TF: variants seen among roughly 807,000 people sequenced by gnomAD.
TF encodes serotransferrin.
Under a neutral mutation model 82.4 loss-of-function variants are expected in TF, and 55 were observed. The ratio of observed to expected loss-of-function variants is 0.67; its 90% confidence interval spans 0.54 to 0.84. The LOEUF (loss-of-function observed/expected upper bound fraction) is 0.84, where lower values mean the gene tolerates loss of function less well. Among genes scored for constraint, TF ranks in the 40% least tolerant of loss-of-function variants. TF has a pLI of 0.00. For missense variants in TF, 737 were observed against 868.4 expected (o/e 0.85, Z 1.90); for synonymous variants, 332 against 332.6 (o/e 1.00, Z 0.02).
chr3:133,684,160 C>A, the TF span, among the ~76,000 whole-genome samples: 1 of 152,086 alleles, frequency 6.6e-6, no homozygotes, highest in East Asian at 1.9e-4. Context: ...CCAATGAGAA[C>A]AAAGACACAA....
the TF span, among the ~76,000 whole-genome samples, chr3:133,677,054 G>A: frequency 6.6e-6 from 1 of 152,210 alleles, no homozygotes; most frequent in Non-Finnish European, 1.5e-5. Context: ...CAAAGGGAAG[G>A]GGGCAGTTAT....
the TF span, among the ~76,000 whole-genome samples, chr3:133,696,791 TTC>T: frequency 5.4e-4 from 28 of 51,984 alleles, no homozygotes; most frequent in Non-Finnish European, 9.3e-4. Context: ...GTACTTCTTC[TTC>T]TTTTTTTTTT....
the TF span, among the ~76,000 whole-genome samples, chr3:133,729,043 G>T: frequency 6.6e-6 from 1 of 152,198 alleles, no homozygotes; most frequent in African/African-American, 2.4e-5. Flanking sequence ...ACCCGGCCGT[G>T]TAAGGTGTCA....
chr3:133,703,343 T>C, the TF span, among the ~76,000 whole-genome samples: 1 of 152,204 alleles, frequency 6.6e-6, no homozygotes, highest in East Asian at 1.9e-4. Context: ...TAGCATAGTA[T>C]TGAGGGAAAC....
At chr3:133,672,859 TATAAA>T in the TF span, among the ~76,000 whole-genome samples, 20 of 151,902 alleles carry the variant, frequency 1.3e-4, no homozygotes, top group Admixed American at 2.6e-4. Flanking sequence ...ACCACATTAA[TATAAA>T]AGAAAAGGGA....
In TF at chr3:133,793,894, A is replaced by G. The variant is rs1372765586; in HGVS notation, c.*15274A>G. 2.0e-5 allele frequency: 3 copies of G among 152,206 alleles called. No individual in the cohort carries two copies. Among genetic ancestry groups the G allele is most frequent in the African/African-American group, 4.8e-5 (2 of 41,454 alleles). The allele number at this position is 152,206 out of a possible 1,614,324, so 9.4% of individuals were successfully genotyped here. A position where few individuals can be genotyped will look rare whatever the true frequency, so the allele number is the denominator to read the frequency against. On this transcript the variant is annotated 3_prime_UTR_variant, in exon 17 of 17. Transcript: ENST00000402696. ...GTAAGAATTCCTGGAACTTTAATGA[A>G]AAGACTGACTGAGTTCTAAAACTGC... is the stretch of plus-strand genomic sequence containing the variant.
chr3:133,720,738 G>A, the TF span, among the ~76,000 whole-genome samples: 1 of 151,970 alleles, frequency 6.6e-6, no homozygotes, highest in Non-Finnish European at 1.5e-5. Flanking sequence ...GCTTTTCTTT[G>A]ATGGAAGATT....
At chr3:133,712,456 C>G in the TF span, among the ~76,000 whole-genome samples, 1 of 152,188 alleles carries the variant, frequency 6.6e-6, no homozygotes, top group Non-Finnish European at 1.5e-5. Flanking sequence ...GCTCACAGAC[C>G]CTTGATCCAA....
the TF span, among the ~76,000 whole-genome samples, chr3:133,707,143 T>C: frequency 6.6e-6 from 1 of 150,698 alleles, no homozygotes; most frequent in African/African-American, 2.4e-5. Flanking sequence ...CTGACTGTGA[T>C]GGAGAAGGTG....
At chr3:133,757,088 C>T in intron 7 of TF, 79 bp downstream of exon 7, 1 of 1,579,570 alleles carries the variant, frequency 6.3e-7, no homozygotes, top group Non-Finnish European at 8.7e-7. Context: ...GCCATCTTGT[C>T]ACTCTGGAAG....
the TF span, among the ~76,000 whole-genome samples, chr3:133,674,335 T>C: frequency 9.9e-5 from 15 of 152,184 alleles, no homozygotes; most frequent in African/African-American, 1.9e-4. Context: ...CTGCTCAGGC[T>C]CCGGGGTGCT....
chr3:133,784,770 T>G lies in TF; in HGVS notation c.*6150T>G, dbSNP rs1576371934. On this transcript the variant is annotated 3_prime_UTR_variant, in exon 17 of 17. Coordinates refer to ENST00000402696, the MANE Select transcript of TF (RefSeq NM_001063.4). ...AAACCATTCCCTGGTGCCAAAGAGG[T>G]TGGGGACCACTGGGTTAGAGGACAT... 1 of 152,134 alleles carries G rather than the reference T, an allele frequency of 6.6e-6. No individual in the cohort carries two copies. The highest frequency in any genetic ancestry group is 6.5e-5 in the Admixed American group (1 of 15,280). The allele number at this position is 152,134 out of a possible 1,614,324, so 9.4% of individuals were successfully genotyped here.
chr3:133,723,262 T>C, the TF span, among the ~76,000 whole-genome samples: 1 of 152,172 alleles, frequency 6.6e-6, no homozygotes, highest in Admixed American at 6.6e-5. Context: ...AGAGAATCTT[T>C]TTGGGTTGAA....
chr3:133,728,335 T>C, the TF span, among the ~76,000 whole-genome samples: 2 of 152,236 alleles, frequency 1.3e-5, no homozygotes, highest in East Asian at 3.8e-4. Context: ...CCATATTTCT[T>C]GGAGGCTTTG....
chr3:133,679,916 G>A, the TF span, among the ~76,000 whole-genome samples: 1 of 152,162 alleles, frequency 6.6e-6, no homozygotes, highest in Non-Finnish European at 1.5e-5. Context: ...CAGCATATAA[G>A]AATTTCAGCT....
chr3:133,715,299 G>A, the TF span, among the ~76,000 whole-genome samples: 6 of 151,922 alleles, frequency 3.9e-5, no homozygotes, highest in Admixed American at 6.6e-5. Context: ...AAAAGAAATC[G>A]AAAGATAAAT....
the TF span, chr3:133,699,532 G>A: frequency 2.1e-6 from 2 of 966,354 alleles, no homozygotes; most frequent in Non-Finnish European, 3.0e-6. Context: ...TACAAGGACT[G>A]CCATTTGGCC....
Position 133,748,533 on chromosome 3 carries a change from T to A in TF, c.165T>A (p.Ser55Arg), listed in dbSNP as rs8177318. ...MKSVIPSDGPSVACVKKASYL... is the reference protein window; with the variant it reads ...MKSVIPSDGPRVACVKKASYL... Reference sequence around the variant, plus strand: ...GCGTCATTCCATCCGATGGTCCCAGTGTTGCTTGTGTGAAGAAAGCCTCCT... The same window carrying A: ...GCGTCATTCCATCCGATGGTCCCAGAGTTGCTTGTGTGAAGAAAGCCTCCT... The change falls in exon 2 of 17, where the codon AGT becomes AGA. Residue 55 changes from serine (S) to arginine (R), a missense_variant. Transcript: ENST00000402696. 1,039 of 1,614,014 alleles carry A rather than the reference T, an allele frequency of 6.4e-4. No homozygotes were observed. Among genetic ancestry groups the A allele is most frequent in the Non-Finnish European group, 8.6e-4 (1,011 of 1,180,000 alleles).
At chr3:133,773,082 C>G (rs949993606) in intron 14 of TF, 4 of 152,106 alleles carry the variant, frequency 2.6e-5, no homozygotes, top group Non-Finnish European at 4.4e-5. Context: ...CTCTTGCCCC[C>G]CTCTCTCCCT....
Sources: allele counts gnomAD v4.1 joint callset (sites outside exome capture counted in the v4.1 genomes callset), GRCh38; gene constraint gnomAD v4.1.1; transcripts MANE v1.5; gene names NCBI Gene and HGNC (gene_info 2026-07-23, HGNC 2026-07-21).